GABRR2: variants seen among roughly 807,000 people sequenced by gnomAD.
GABRR2 encodes gamma-aminobutyric acid type A receptor subunit rho2.
A neutral mutation model predicts 47.0 loss-of-function variants in GABRR2; 36 were observed. That is an observed-to-expected ratio of 0.77 (90% CI 0.59 to 1.01). The LOEUF (loss-of-function observed/expected upper bound fraction) is 1.01. Ranked by LOEUF, GABRR2 falls within the 50% of genes least tolerant of loss-of-function variation. GABRR2 has a pLI of 0.00. For synonymous variants in GABRR2, 204 were observed against 227.5 expected, an observed-to-expected ratio of 0.90 and a Z score of 0.93; for missense variants, 587 against 594.6, an observed-to-expected ratio of 0.99 and a Z score of 0.13.
At chr6:89,268,253 C>A (rs1306129007) in intron 4 of GABRR2, among the ~76,000 whole-genome samples, 157 bp from the exon 5 acceptor site, 1 of 152,240 alleles carries the variant, frequency 6.6e-6, no homozygotes, top group Non-Finnish European at 1.5e-5. Context: ...ACCTTAACTT[C>A]TAGAGTTTTG....
intron 1 of GABRR2, chr6:89,303,022 G>T (rs1057477510): frequency 3.2e-6 from 4 of 1,252,522 alleles, no homozygotes; most frequent in Non-Finnish European, 4.4e-6. Context: ...CCTGGTGTCC[G>T]AGTACCAGCA....
At chr6:89,301,333 C>G (rs1474007152) in intron 1 of GABRR2, among the ~76,000 whole-genome samples, 1 of 152,140 alleles carries the variant, frequency 6.6e-6, no homozygotes, top group East Asian at 1.9e-4. Flanking sequence ...GGTGCCCTCT[C>G]TCACCACTCC....
rs1233434184 is a variant in GABRR2, at chr6:89,269,168, T to C, written c.355A>G (p.Ser119Gly). 3.7e-6 allele frequency: 6 copies of C among 1,614,044 alleles called. No homozygotes were observed. In the Admixed American group the frequency reaches 6.7e-5, roughly 18 times the overall value. The part of the protein sequence containing the change: ...KDERLAFSSA[S>G]NKSMTFDGRL... ...CCATCGAAGGTCATGCTCTTGTTGC[T>C]GGCGCTGGAGAAAGCTAGCCTCTCA... Residue 119 changes from serine to glycine, a missense_variant, in exon 4 of 9, where the codon AGC (serine) becomes GGC (glycine). Transcript: ENST00000402938.
chr6:89,278,992 T>C (rs1214964666), intron 2 of GABRR2, among the ~76,000 whole-genome samples: 2 of 152,176 alleles, frequency 1.3e-5, no homozygotes, highest in African/African-American at 2.4e-5. Flanking sequence ...CTCCAGTGGT[T>C]GAGGGGCCTC....
At chr6:89,294,180 C>T (rs1220920054) in intron 2 of GABRR2, among the ~76,000 whole-genome samples, 2 of 152,088 alleles carry the variant, frequency 1.3e-5, no homozygotes, top group South Asian at 2.1e-4. Context: ...GAGTCTCACT[C>T]GTCGCCCAGG....
intron 2 of GABRR2, among the ~76,000 whole-genome samples, chr6:89,297,203 A>ATAT: frequency 6.6e-6 from 1 of 152,240 alleles, no homozygotes; most frequent in Non-Finnish European, 1.5e-5. Context: ...TTTAATGATG[A>ATAT]ACATATTAAT....
In GABRR2 at chr6:89,255,555, T is replaced by C. The variant is rs1238361273; in HGVS notation, c.*2115A>G. Among the ~76,000 whole-genome samples, 3 of 152,238 alleles carry C rather than the reference T, an allele frequency of 2.0e-5. No homozygotes were observed. Among genetic ancestry groups the C allele is most frequent in the African/African-American group, 7.2e-5 (3 of 41,532 alleles). On this transcript the variant is annotated 3_prime_UTR_variant, in exon 9 of 9. Transcript: ENST00000402938. The stretch of plus-strand genomic sequence containing the variant: ...GACTGGGAAATCTAGTAGTCTTGGG[T>C]CCAGCAACTCCATAGTGGGGAAGCT...
intron 1 of GABRR2, among the ~76,000 whole-genome samples, chr6:89,306,375 T>A (rs1767559874): frequency 6.6e-6 from 1 of 151,800 alleles, no homozygotes; most frequent in Non-Finnish European, 1.5e-5. Context: ...AAAAAAAAAA[T>A]TCTCGTGATG....
chr6:89,264,342 C>G, intron 8 of GABRR2, 70 bp downstream of exon 8: 1 of 1,508,612 alleles, frequency 6.6e-7, no homozygotes, highest in Non-Finnish European at 8.9e-7. Flanking sequence ...GCCTCTGCCC[C>G]CTGGCCCAGA....
chr6:89,307,942 G>A (rs1273997030), intron 1 of GABRR2, among the ~76,000 whole-genome samples: 3 of 150,020 alleles, frequency 2.0e-5, no homozygotes, highest in Non-Finnish European at 3.0e-5. Context: ...TCAGCCTCCC[G>A]AGTAGCTGGA....
intron 8 of GABRR2, among the ~76,000 whole-genome samples, chr6:89,262,280 G>A (rs923172542): frequency 9.2e-5 from 14 of 152,112 alleles, no homozygotes; most frequent in East Asian, 3.8e-4. Flanking sequence ...TTAAGTCTCC[G>A]CCCCAGGGTG....
chr6:89,280,626 G>C (rs1582449996), intron 2 of GABRR2, among the ~76,000 whole-genome samples: 1 of 152,178 alleles, frequency 6.6e-6, no homozygotes, highest in African/African-American at 2.4e-5. Flanking sequence ...CAACGCTGCT[G>C]TCATGGGTGA....
At chr6:89,289,938 C>T (rs1774406788) in intron 2 of GABRR2, among the ~76,000 whole-genome samples, 1 of 152,164 alleles carries the variant, frequency 6.6e-6, no homozygotes, top group Admixed American at 6.5e-5. Context: ...GGGACCAAGG[C>T]ACAACCTTGC....
intron 1 of GABRR2, among the ~76,000 whole-genome samples, chr6:89,314,551 C>T (rs187298348): frequency 1.5e-4 from 23 of 152,276 alleles, no homozygotes; most frequent in African/African-American, 5.3e-4. Flanking sequence ...TTCTAAGATT[C>T]AAAACAGTAA....
At position 89,264,466 on chromosome 6, in the gene GABRR2, A is replaced by G. The variant is rs757975664; in HGVS notation, c.1032T>C (p.Ala344=). The change falls in exon 8 of 9, where the codon GCT becomes GCC. Residue 344 remains alanine (A), a synonymous_variant. Transcript: ENST00000402938. ...CCTGCACGGTGGTCAGGTAGTTGAC[A>G]GCCGCATACTCCAGCACCGAGAGGA... is the stretch of plus-strand genomic sequence containing the variant. ...FVFLSVLEYA[A]VNYLTTVQER... 146 of 1,613,812 alleles carry G rather than the reference A, an allele frequency of 9.0e-5. No homozygotes were observed. Among genetic ancestry groups the G allele is most frequent in the Admixed American group, 2.3e-4 (14 of 59,934 alleles).
At chr6:89,296,345 T>C (rs749332453) in intron 2 of GABRR2, among the ~76,000 whole-genome samples, 15 of 152,252 alleles carry the variant, frequency 9.9e-5, no homozygotes, top group Admixed American at 2.6e-4. Context: ...GTCTTATTTA[T>C]GGACTCATGG....
chr6:89,261,078 G>A (rs982874407), intron 8 of GABRR2, among the ~76,000 whole-genome samples: 1 of 152,332 alleles, frequency 6.6e-6, no homozygotes. Context: ...TTTAAACAAA[G>A]TCATACAGTT....
intron 2 of GABRR2, among the ~76,000 whole-genome samples, chr6:89,283,102 T>A (rs1289488510): frequency 6.6e-6 from 1 of 152,222 alleles, no homozygotes; most frequent in Non-Finnish European, 1.5e-5. Context: ...TAATTACCAA[T>A]GAGTCTGATC....
At chr6:89,314,912 C>T in intron 1 of GABRR2, 141 bp downstream of exon 1, 1 of 700,606 alleles carries the variant, frequency 1.4e-6, no homozygotes, top group Non-Finnish European at 2.5e-6. Context: ...GGAGAGGCTG[C>T]GTTCAGTGAA....
Sources: allele counts gnomAD v4.1 joint callset (sites outside exome capture counted in the v4.1 genomes callset), GRCh38; gene constraint gnomAD v4.1.1; transcripts MANE v1.5; gene names NCBI Gene and HGNC (gene_info 2026-07-23, HGNC 2026-07-21).